Variants in PTPN23 observed in about 807,000 individuals in gnomAD.
PTPN23 encodes protein tyrosine phosphatase non-receptor type 23, also known as tyrosine-protein phosphatase non-receptor type 23.
A neutral mutation model predicts 156.3 loss-of-function variants in PTPN23; 72 were observed. The observed-to-expected ratio is 0.46, with a 90% confidence interval of 0.38 to 0.56. The LOEUF is 0.56. Among genes scored for constraint, PTPN23 ranks in the 20% least tolerant of loss-of-function variants. The pLI is 0.00. For synonymous variants in PTPN23, 957 were observed against 899.6 expected (o/e 1.06, Z -1.14); for missense variants, 1,974 against 2,171.5 (o/e 0.91, Z 1.81).
At chr3:47,383,552 T>G (rs1704592497) in intron 1 of PTPN23, among the ~76,000 whole-genome samples, 2 of 152,220 alleles carry the variant, frequency 1.3e-5, no homozygotes, top group African/African-American at 4.8e-5. Context: ...CTCTACATAG[T>G]TGGCAGTCAG....
In PTPN23 at chr3:47,411,500, G is replaced by T; in HGVS notation, c.3702G>T (p.Val1234=). 1 of 1,613,096 alleles carries T rather than the reference G, an allele frequency of 6.2e-7. No homozygotes were observed. The change falls in exon 20 of 25, where the codon GTG becomes GTT. Residue 1234 remains valine (V), a synonymous_variant. Transcript: ENST00000265562. This position sits in a 1 kb window ranked among gnomAD's most constrained non-coding sequence, Gnocchi z 6.3. ...TCATGCCCTATGACAGTAACCGTGTGGTGCTGCGCTCAGGCAAGGATGACT... is the reference window on the plus strand; with the variant it reads ...TCATGCCCTATGACAGTAACCGTGTTGTGCTGCGCTCAGGCAAGGATGACT... The part of the protein sequence containing the change: ...QDVMPYDSNR[V]VLRSGKDDYI...
At position 47,408,552 on chromosome 3, in the gene PTPN23, T is replaced by A. The variant is rs937318587; in HGVS notation, c.1330+62T>A. ...GTGGAGGTCATCTGCTGTGGCCTCC[T>A]CCGTGTCCCTGGTCACTGAGGATGG... On this transcript the variant is annotated intron_variant, in intron 15 of 24. Transcript: ENST00000265562. 13 of 1,556,812 alleles carry A rather than the reference T, an allele frequency of 8.4e-6. No homozygotes were observed. In the African/African-American group the frequency reaches 1.2e-4, roughly 15 times the overall value.
At position 47,412,270 on chromosome 3, in the gene PTPN23, C is replaced by A; in HGVS notation, c.4179-13C>A. On this transcript the variant is annotated splice_polypyrimidine_tract_variant and intron_variant, in intron 22 of 24. Coordinates refer to ENST00000265562, the MANE Select transcript of PTPN23 (RefSeq NM_015466.4). ...GCCTCATACCCCGGCCTCATAACCC[C>A]TTCTTGGCACAGCTCTGGTGTGGGC... The A allele has an allele frequency of 6.2e-7, 1 of 1,612,986 alleles. No homozygotes were observed. The highest frequency in any genetic ancestry group is 1.1e-5 in the South Asian group (1 of 91,088).
At position 47,410,240 on chromosome 3, in the gene PTPN23, C is replaced by T. The variant is rs569455227; in HGVS notation, c.2442C>T (p.Pro814=). 18 of 1,611,350 alleles carry T rather than the reference C, an allele frequency of 1.1e-5. No homozygotes were observed. The highest frequency in any genetic ancestry group is 1.7e-4 in the Middle Eastern group (1 of 6,054). ...GGGCCCCAGGGCCCCATGCAATGCC[C>T]GTAGCACCTGGGCCTGCCCTCTACC... ...QPRAPGPHAM[P]VAPGPALYPA... Residue 814 remains proline (P), a synonymous_variant, in exon 20 of 25, where the codon CCC becomes CCT. Coordinates refer to ENST00000265562, the MANE Select transcript of PTPN23 (RefSeq NM_015466.4).
At chr3:47,390,862 A>G (rs1463729075) in intron 1 of PTPN23, among the ~76,000 whole-genome samples, 2 of 152,180 alleles carry the variant, frequency 1.3e-5, no homozygotes, top group Non-Finnish European at 2.9e-5. Flanking sequence ...AAAAAATAGA[A>G]ATGCTCTGGG....
At position 47,404,708 on chromosome 3, in the gene PTPN23, C is replaced by T. The variant is rs139864453; in HGVS notation, c.216C>T (p.Leu72=). 17 of 1,613,942 alleles carry T rather than the reference C, an allele frequency of 1.1e-5. No individual in the cohort carries two copies. The highest frequency in any genetic ancestry group is 4.5e-5 in the East Asian group (2 of 44,892). Residue 72 remains leucine (L), a synonymous_variant, in exon 3 of 25, where the codon CTC becomes CTT. Coordinates refer to ENST00000265562, the MANE Select transcript of PTPN23 (RefSeq NM_015466.4). ...GCTGTAGTGTCCTCCGCAAGTACCT[C>T]GGCCAGCTTCATTACCTGCAGAGTC... ...FEGCSVLRKY[L]GQLHYLQSRV...
intron 1 of PTPN23, among the ~76,000 whole-genome samples, chr3:47,390,954 TAAA>T (rs960946662): frequency 1.3e-5 from 2 of 151,800 alleles, no homozygotes; most frequent in African/African-American, 4.8e-5. Flanking sequence ...CTCTATAAAA[TAAA>T]AAAAAGTTTG....
chr3:47,403,731 A>G (rs1705053993), intron 2 of PTPN23, among the ~76,000 whole-genome samples: 1 of 151,870 alleles, frequency 6.6e-6, no homozygotes, highest in South Asian at 2.1e-4. Flanking sequence ...GTCTTGCTAC[A>G]TTGCCCAGAC....
Position 47,410,742 on chromosome 3 carries a change from C to T in PTPN23, c.2944C>T (p.His982Tyr), listed in dbSNP as rs760900903. The change falls in exon 20 of 25, where the codon CAT (histidine) becomes TAT (tyrosine). Residue 982 changes from histidine to tyrosine, a missense_variant. By Grantham distance (83) the His-to-Tyr change is moderately conservative. Coordinates refer to ENST00000265562, the MANE Select transcript of PTPN23 (RefSeq NM_015466.4). ...GCAGCCCCTTCCACTCCAGCATCCA[C>T]ATCTCTTCCCACCCCAGGCCCCAGG... ...PQQPLPLQHP[H>Y]LFPPQAPGLL... 1.9e-6 allele frequency: 3 copies of T among 1,565,636 alleles called. No homozygotes were observed. Among genetic ancestry groups the T allele is most frequent in the Non-Finnish European group, 2.6e-6 (3 of 1,154,154 alleles).
At chr3:47,388,300 C>T (rs1303948137) in intron 1 of PTPN23, among the ~76,000 whole-genome samples, 1 of 152,140 alleles carries the variant, frequency 6.6e-6, no homozygotes, top group African/African-American at 2.4e-5. Flanking sequence ...CCTCTGCCTC[C>T]AGGTCTCAAG....
In PTPN23 at chr3:47,407,847, CTT is replaced by C. The variant is rs1312368980; in HGVS notation, c.1118+37_1118+38del. 6.2e-7 allele frequency: 1 copy of C among 1,614,070 alleles called. No individual in the cohort carries two copies. The highest frequency in any genetic ancestry group is 2.2e-5 in the East Asian group (1 of 44,878). On this transcript the variant is annotated intron_variant, in intron 13 of 24. Coordinates refer to ENST00000265562, the MANE Select transcript of PTPN23 (RefSeq NM_015466.4). The surrounding 1 kb of genome is among the most constrained non-coding windows in gnomAD (Gnocchi z 4.0). ...GGTGGCACAGAGGGAGGTGGGGTGT[CTT>C]GAGATGTGGGTCTTCAGCAAATGCT...
chr3:47,406,774 T>TGGGGACC lies in PTPN23; in HGVS notation c.807+25_807+31dup, dbSNP rs1559525489. The TGGGGACC allele has an allele frequency of 1.9e-6, 3 of 1,612,894 alleles. No homozygotes were observed. The highest frequency in any genetic ancestry group is 1.1e-5 in the South Asian group (1 of 91,000). ...GGGTGAGCTACAGCGAGGAGGGGAC[T>TGGGGACC]GGGGACCAATGGCAGCCTTCAGTGA... is the stretch of plus-strand genomic sequence containing the variant. On this transcript the variant is annotated intron_variant, in intron 9 of 24. Transcript: ENST00000265562. The surrounding 1 kb of genome is among the most constrained non-coding windows in gnomAD (Gnocchi z 5.8).
rs369066896 is a variant in PTPN23, at chr3:47,409,050, G to A, written c.1605G>A (p.Gln535=). 5 of 1,613,502 alleles carry A rather than the reference G, an allele frequency of 3.1e-6. No individual in the cohort carries two copies. Among genetic ancestry groups the A allele is most frequent in the African/African-American group, 1.3e-5 (1 of 74,940 alleles). Reference sequence around the variant, plus strand: ...GCCTGCTCAGCGGGCCGCTTGACCAGGTCCGGGCTGCCCTGCCCACACCGG... The same window carrying A: ...GCCTGCTCAGCGGGCCGCTTGACCAAGTCCGGGCTGCCCTGCCCACACCGG... ...NLRLLSGPLD[Q]VRAALPTPAL... The change falls in exon 16 of 25, where the codon CAG becomes CAA. Residue 535 remains glutamine (Q), a synonymous_variant. Coordinates refer to ENST00000265562, the MANE Select transcript of PTPN23 (RefSeq NM_015466.4).
In PTPN23 at chr3:47,405,308, G is replaced by C. The variant is rs546083521; in HGVS notation, c.364+227G>C. 5 of 585,362 alleles carry C rather than the reference G, an allele frequency of 8.5e-6. No individual in the cohort carries two copies. The highest frequency in any genetic ancestry group is 1.5e-5 in the Non-Finnish European group (5 of 327,096). The allele number at this position is 585,362 out of a possible 1,614,324, so 36.3% of individuals were successfully genotyped here. A position where few individuals can be genotyped will look rare whatever the true frequency, so the allele number is the denominator to read the frequency against. ...GCTCTACTGGGCTGGCTGCCACACA[G>C]AGTTGCCACTGTGTGCTCTGTCTGG... On this transcript the variant is annotated intron_variant, in intron 4 of 24. Transcript: ENST00000265562. This position sits in a 1 kb window ranked among gnomAD's most constrained non-coding sequence, Gnocchi z 4.7.
At chr3:47,404,407 CT>C (rs10647488) in intron 2 of PTPN23, among the ~76,000 whole-genome samples, 27 of 140,618 alleles carry the variant, frequency 1.9e-4, no homozygotes, top group African/African-American at 1.6e-4. Context: ...GAATGAGACT[CT>C]TTTTTTTTTT....
Position 47,404,647 on chromosome 3 carries a change from C to G in PTPN23, c.160-5C>G, listed in dbSNP as rs776696096. ...CAGGCCTGCTTCTCCCATCCTGCCC[C>G]CCAGAATGCTGTCCGTGTCCCACGA... On this transcript the variant is annotated splice_polypyrimidine_tract_variant and splice_region_variant and intron_variant, in intron 2 of 24. Coordinates refer to ENST00000265562, the MANE Select transcript of PTPN23 (RefSeq NM_015466.4). 8 of 1,613,340 alleles carry G rather than the reference C, an allele frequency of 5.0e-6. No homozygotes were observed. In the South Asian group the frequency reaches 6.6e-5, roughly 13 times the overall value.
At position 47,411,652 on chromosome 3, in the gene PTPN23, T is replaced by C; in HGVS notation, c.3854T>C (p.Ile1285Thr). 1 of 1,607,220 alleles carries C rather than the reference T, an allele frequency of 6.2e-7. No homozygotes were observed. The highest frequency in any genetic ancestry group is 8.5e-7 in the Non-Finnish European group (1 of 1,175,998). The change falls in exon 20 of 25, where the codon ATT becomes ACT. Residue 1285 changes from isoleucine to threonine, a missense_variant. This residue lies in a region of PTPN23 where 484 missense variants were observed against 516.0 expected (regional missense o/e 0.94). Coordinates refer to ENST00000265562, the MANE Select transcript of PTPN23 (RefSeq NM_015466.4). The surrounding 1 kb of genome is among the most constrained non-coding windows in gnomAD (Gnocchi z 6.3). ...GTCCATGAGCAGAAAGTGTCAGTCA[T>C]TGTCATGCTGGTTTCTGAGGCTGAG... ...LMVHEQKVSV[I>T]VMLVSEAEME...
At position 47,407,990 on chromosome 3, in the gene PTPN23, G is replaced by C; in HGVS notation, c.1184+35G>C. ...GGACTTGGGCAGGGAGGCGGAGGCAGGCAGCACTTCCCGGGCCTCTGGGGG... is the reference window on the plus strand; with the variant it reads ...GGACTTGGGCAGGGAGGCGGAGGCACGCAGCACTTCCCGGGCCTCTGGGGG... On this transcript the variant is annotated intron_variant, in intron 14 of 24. Coordinates refer to ENST00000265562, the MANE Select transcript of PTPN23 (RefSeq NM_015466.4). This position sits in a 1 kb window ranked among gnomAD's most constrained non-coding sequence, Gnocchi z 4.0. The C allele has an allele frequency of 6.2e-7, 1 of 1,607,040 alleles. No individual in the cohort carries two copies. Among genetic ancestry groups the C allele is most frequent in the Non-Finnish European group, 8.5e-7 (1 of 1,176,684 alleles).
chr3:47,412,914 C>T lies in PTPN23; in HGVS notation c.4640C>T (p.Pro1547Leu), dbSNP rs145767987. Reference sequence around the variant, plus strand: ...CCAATCCCATCTTCCTCCCCGCCCCCCCTTTCCTCCCCACTACCTGAGGCT... The same window carrying T: ...CCAATCCCATCTTCCTCCCCGCCCCTCCTTTCCTCCCCACTACCTGAGGCT... ...STPIPSSSPP[P>L]LSSPLPEAPQ... The change falls in exon 25 of 25, where the codon CCC becomes CTC. Residue 1547 changes from proline to leucine, a missense_variant. By Grantham distance (98) the Pro-to-Leu change is moderately conservative. This residue lies in a region of PTPN23 where 484 missense variants were observed against 516.0 expected (regional missense o/e 0.94). Transcript: ENST00000265562. 6.2e-7 allele frequency: 1 copy of T among 1,603,170 alleles called. No individual in the cohort carries two copies.
Sources: gnomAD v4.1 joint callset for allele counts (sites outside exome capture counted in the v4.1 genomes callset) on GRCh38, gnomAD v4.1.1 for gene constraint, gnomAD v4.1.1 regional missense constraint, Gnocchi (gnomAD v3.1) non-coding constraint, MANE v1.5 for transcripts, NCBI Gene and HGNC (gene_info 2026-07-23, HGNC 2026-07-21) for gene names.